Variants in DOHH observed in about 807,000 individuals in gnomAD.
The protein encoded by DOHH is deoxyhypusine hydroxylase.
A neutral mutation model predicts 19.9 loss-of-function variants in DOHH; 16 were observed. The observed-to-expected ratio is 0.80, with a 90% CI of 0.54 to 1.22. The LOEUF (loss-of-function observed/expected upper bound fraction) is 1.22. DOHH is among the 50% of genes most tolerant of loss of function. DOHH has a pLI of 0.00. For synonymous variants in DOHH, 233 were observed against 217.0 expected (o/e 1.07, Z -0.65); for missense variants, 460 against 460.6 (o/e 1.00, Z 0.01).
At chr19:3,492,126 G>T in intron 4 of DOHH, 136 bp downstream of exon 4, 1 of 845,608 alleles carries the variant, frequency 1.2e-6, no homozygotes, top group Non-Finnish European at 1.7e-6. Context: ...TTCTTAAGAG[G>T]CCCCATGGGA....
At chr19:3,498,747 A>C (rs2122075001) in intron 1 of DOHH, among the ~76,000 whole-genome samples, 1 of 152,276 alleles carries the variant, frequency 6.6e-6, no homozygotes, top group East Asian at 1.9e-4. Context: ...AGGATGAAAC[A>C]AGTTTTACTG....
At chr19:3,499,990 C>A (rs1319497770) in intron 1 of DOHH, among the ~76,000 whole-genome samples, 1 of 152,158 alleles carries the variant, frequency 6.6e-6, no homozygotes, top group Non-Finnish European at 1.5e-5. Context: ...TTGGGAGCAG[C>A]GTGAAGAGTT....
chr19:3,491,772 C>T lies in DOHH; in HGVS notation c.629G>A (p.Gly210Asp). The change falls in exon 5 of 5, where the codon GGC becomes GAC. Residue 210 changes from glycine (G) to aspartate (D), a missense_variant. By Grantham distance (94) the Gly-to-Asp change is moderately conservative. Transcript: ENST00000427575. This position sits in a 1 kb window ranked among gnomAD's most constrained non-coding sequence, Gnocchi z 5.6. ...GTGCTGCAGCTGTCCCAGGACGTAG[C>T]CGACCTCGTGGCGGAAGAGGGCGCT... Reference protein sequence around the residue: ...CGSALFRHEVGYVLGQLQHEA... With the variant: ...CGSALFRHEVDYVLGQLQHEA... 1 of 1,509,312 alleles carries T rather than the reference C, an allele frequency of 6.6e-7. No individual in the cohort carries two copies. Among genetic ancestry groups the T allele is most frequent in the South Asian group, 1.3e-5 (1 of 78,832 alleles). 93.5% of individuals were successfully genotyped at this position (1,509,312 alleles called of 1,614,324 possible). A position where few individuals can be genotyped will look rare whatever the true frequency, so the allele number is the denominator to read the frequency against.
intron 2 of DOHH, among the ~76,000 whole-genome samples, chr19:3,495,344 A>T (rs934452126): frequency 4.0e-5 from 6 of 151,828 alleles, no homozygotes; most frequent in African/African-American, 1.5e-4. Flanking sequence ...TGGCATGATC[A>T]TGGCTAACTG....
At position 3,491,370 on chromosome 19, in the gene DOHH, A is replaced by G. The variant is rs10126; in HGVS notation, c.*122T>C. The G allele has an allele frequency of 0.37, 398,569 of 1,076,648 alleles. 86,076 individuals carry two copies. The highest frequency in any genetic ancestry group is 0.85 in the East Asian group (31,534 of 37,232). 66.7% of individuals were successfully genotyped at this position (1,076,648 alleles called of 1,614,324 possible). On this transcript the variant is annotated 3_prime_UTR_variant, in exon 5 of 5. Transcript: ENST00000427575. This position sits in a 1 kb window ranked among gnomAD's most constrained non-coding sequence, Gnocchi z 5.6. ...CAGACGGAGGAGGGGGACAGCAACCATGCGCCCAGCAAGACACAAGCGATG... is the reference window on the plus strand; with the variant it reads ...CAGACGGAGGAGGGGGACAGCAACCGTGCGCCCAGCAAGACACAAGCGATG...
In DOHH at chr19:3,496,361, C is replaced by T. The variant is rs2082907278; in HGVS notation, c.274+180G>A. Among the ~76,000 whole-genome samples, 1 of 152,222 alleles carries T rather than the reference C, an allele frequency of 6.6e-6. No individual in the cohort carries two copies. On this transcript the variant is annotated intron_variant, in intron 2 of 4. Coordinates refer to ENST00000427575, the MANE Select transcript of DOHH (RefSeq NM_001145165.2). This position sits in a 1 kb window ranked among gnomAD's most constrained non-coding sequence, Gnocchi z 4.8. Reference sequence around the variant, plus strand: ...GCCTTAGCCATTTGGTGACAGATGACCTGCGCTGGCTTTATTGAGTCGCTG... The same window carrying T: ...GCCTTAGCCATTTGGTGACAGATGATCTGCGCTGGCTTTATTGAGTCGCTG...
chr19:3,500,152 G>C (rs1040776626), intron 1 of DOHH, among the ~76,000 whole-genome samples: 1 of 152,202 alleles, frequency 6.6e-6, no homozygotes, highest in Non-Finnish European at 1.5e-5. Flanking sequence ...CTCAAGACAG[G>C]CTGGCTATGG....
chr19:3,495,345 T>C (rs1322314939), intron 2 of DOHH, among the ~76,000 whole-genome samples: 2 of 152,034 alleles, frequency 1.3e-5, no homozygotes, highest in Non-Finnish European at 2.9e-5. Context: ...GGCATGATCA[T>C]GGCTAACTGC....
chr19:3,495,791 G>A (rs768930826), intron 2 of DOHH, among the ~76,000 whole-genome samples: 13 of 151,816 alleles, frequency 8.6e-5, no homozygotes, highest in South Asian at 2.1e-4. Context: ...CACCTGTAAC[G>A]CTATCTACTT....
rs905784971 is a variant in DOHH at position 3,492,510 on chromosome 19, G to C, written c.352-11C>G. On this transcript the variant is annotated splice_polypyrimidine_tract_variant and intron_variant, in intron 3 of 4. Transcript: ENST00000427575. ...GCAGGTCTCGGCCACCTGCGGGGAG[G>C]GGGTATCAGGCAGCGGGTTGGCCCT... is the stretch of plus-strand genomic sequence containing the variant. 8.7e-6 allele frequency: 12 copies of C among 1,375,056 alleles called. No homozygotes were observed. Among genetic ancestry groups the C allele is most frequent in the South Asian group, 5.0e-5 (3 of 59,510 alleles). 85.2% of individuals were successfully genotyped at this position (1,375,056 alleles called of 1,614,324 possible).
rs1166064583 is a variant in DOHH at position 3,496,377 on chromosome 19, T to C, written c.274+164A>G. Among the ~76,000 whole-genome samples the C allele has an allele frequency of 1.3e-5, 2 of 152,206 alleles. No homozygotes were observed. Among genetic ancestry groups the C allele is most frequent in the Admixed American group, 1.3e-4 (2 of 15,280 alleles). ...GACAGATGACCTGCGCTGGCTTTAT[T>C]GAGTCGCTGTCTGGCTGCAGAGCTG... On this transcript the variant is annotated intron_variant, in intron 2 of 4. Transcript: ENST00000427575. This position sits in a 1 kb window ranked among gnomAD's most constrained non-coding sequence, Gnocchi z 4.8.
intron 1 of DOHH, among the ~76,000 whole-genome samples, chr19:3,497,416 G>A (rs2082916814): frequency 6.6e-6 from 1 of 152,144 alleles, no homozygotes; most frequent in Admixed American, 6.5e-5. Flanking sequence ...GGGCCCACGT[G>A]GCAAAAAACT....
chr19:3,497,625 TG>T (rs1053960274), intron 1 of DOHH, among the ~76,000 whole-genome samples: 7 of 152,140 alleles, frequency 4.6e-5, no homozygotes, highest in South Asian at 4.1e-4. Flanking sequence ...TAACCAAGTA[TG>T]TTTTTTTGTT....
intron 1 of DOHH, among the ~76,000 whole-genome samples, chr19:3,498,872 G>C (rs987650312): frequency 3.3e-5 from 5 of 152,142 alleles, no homozygotes; most frequent in African/African-American, 9.7e-5. Context: ...CCAGCACCTG[G>C]ACCCATTTAG....
chr19:3,499,890 T>C (rs1355125433), intron 1 of DOHH, among the ~76,000 whole-genome samples: 3 of 152,128 alleles, frequency 2.0e-5, no homozygotes, highest in African/African-American at 7.2e-5. Context: ...TCGATCTACA[T>C]CACTACCCTG....
chr19:3,499,687 G>A (rs1215144237), intron 1 of DOHH, among the ~76,000 whole-genome samples: 2 of 152,156 alleles, frequency 1.3e-5, no homozygotes, highest in African/African-American at 2.4e-5. Context: ...TAGGAGAATC[G>A]CCTGAACTCG....
In DOHH at chr19:3,491,166, C is replaced by T; in HGVS notation, c.*326G>A. The T allele has an allele frequency of 2.3e-6, 1 of 428,026 alleles. No homozygotes were observed. Among genetic ancestry groups the T allele is most frequent in the Non-Finnish European group, 4.2e-6 (1 of 240,716 alleles). 26.5% of individuals were successfully genotyped at this position (428,026 alleles called of 1,614,324 possible). ...TCCCTCGCGATCCTCCCCTGGCTTC[C>T]CTCGCGATCCTCCCCTGGCTTCCCT... On this transcript the variant is annotated 3_prime_UTR_variant, in exon 5 of 5. Transcript: ENST00000427575. The surrounding 1 kb of genome is among the most constrained non-coding windows in gnomAD (Gnocchi z 5.6).
At chr19:3,499,310 G>A (rs949809893) in intron 1 of DOHH, among the ~76,000 whole-genome samples, 1 of 151,994 alleles carries the variant, frequency 6.6e-6, no homozygotes, top group South Asian at 2.1e-4. Context: ...TTTTCTCCAC[G>A]GCGCCTAAGA....
rs1193126190 is a variant in DOHH, at chr19:3,494,051, A to C, written c.328T>G (p.Tyr110Asp). The C allele has an allele frequency of 6.2e-7, 1 of 1,613,690 alleles. No homozygotes were observed. The highest frequency in any genetic ancestry group is 1.7e-5 in the Admixed American group (1 of 59,986). The change falls in exon 3 of 5, where the codon TAT becomes GAT. Residue 110 changes from tyrosine to aspartate, a missense_variant. Tyr to Asp is a radical substitution (Grantham distance 160). Coordinates refer to ENST00000427575, the MANE Select transcript of DOHH (RefSeq NM_001145165.2). ...DPEVLEILKQ[Y>D]SSDPVIEVAE... ...ACCTCGATGACGGGGTCCGAGGAATACTGCTTCAGGATCTCCAGAACTTCC... is the reference window on the plus strand; with the variant it reads ...ACCTCGATGACGGGGTCCGAGGAATCCTGCTTCAGGATCTCCAGAACTTCC...
Sources: gnomAD v4.1 joint callset for allele counts (sites outside exome capture counted in the v4.1 genomes callset) on GRCh38, gnomAD v4.1.1 for gene constraint, Gnocchi (gnomAD v3.1) non-coding constraint, MANE v1.5 for transcripts, NCBI Gene and HGNC (gene_info 2026-07-23, HGNC 2026-07-21) for gene names.